Variants in PDS5A observed in about 807,000 individuals in gnomAD.
PDS5A encodes PDS5 cohesin associated factor A, also known as sister chromatid cohesion protein PDS5 homolog A.
In PDS5A, 42 loss-of-function variants were observed where a neutral mutation model predicts 167.1. That is an observed-to-expected ratio of 0.25 (90% CI 0.20 to 0.33). The LOEUF is 0.33. Ranked by LOEUF, PDS5A falls within the 10% of genes least tolerant of loss-of-function variation. The probability of loss-of-function intolerance (pLI) is 1.00; values close to 1 mark genes in which losing one functional copy is unlikely to be tolerated. For missense variants in PDS5A, 1,033 were observed against 1,605.9 expected (o/e 0.64, Z 6.10); for synonymous variants, 553 against 554.6 (o/e 1.00, Z 0.04).
chr4:39,935,608 G>A (rs1027051771), intron 2 of PDS5A, among the ~76,000 whole-genome samples: 9 of 151,968 alleles, frequency 5.9e-5, no homozygotes, highest in Non-Finnish European at 1.0e-4. Flanking sequence ...CCTATTTCTG[G>A]ACTCTGTTGT....
At chr4:39,929,519 CTATATATATA>C (rs58069502) in intron 2 of PDS5A, among the ~76,000 whole-genome samples, 3,658 of 79,322 alleles carry the variant, frequency 0.046, 190 homozygotes, top group East Asian at 0.17. Flanking sequence ...ACTTAATAAA[CTATATATATA>C]TATATATATA....
At chr4:39,900,038 T>C (rs998763574) in intron 14 of PDS5A, among the ~76,000 whole-genome samples, 2 of 152,048 alleles carry the variant, frequency 1.3e-5, no homozygotes, top group Admixed American at 6.6e-5. Flanking sequence ...TAGTTTGCCA[T>C]TGGCATATTT....
At chr4:39,970,691 CCTAA>C (rs746860784) in intron 2 of PDS5A, among the ~76,000 whole-genome samples, 9 of 151,474 alleles carry the variant, frequency 5.9e-5, no homozygotes, top group Non-Finnish European at 1.2e-4. Flanking sequence ...AATACTTTGG[CCTAA>C]CTTTCATTAT....
intron 21 of PDS5A, among the ~76,000 whole-genome samples, chr4:39,871,451 C>A (rs1463534726): frequency 6.6e-6 from 1 of 152,152 alleles, no homozygotes; most frequent in East Asian, 1.9e-4. Context: ...ACGTTCTTCT[C>A]TTCTTGTCTG....
At chr4:39,840,845 C>G (rs890061880) in intron 31 of PDS5A, among the ~76,000 whole-genome samples, 2 of 152,136 alleles carry the variant, frequency 1.3e-5, no homozygotes, top group Non-Finnish European at 2.9e-5. Context: ...ACCTTCACCT[C>G]GAGGGTTCAA....
At chr4:39,958,631 TTGAGAC>T (rs1729191007) in intron 2 of PDS5A, among the ~76,000 whole-genome samples, 1 of 151,978 alleles carries the variant, frequency 6.6e-6, no homozygotes, top group Non-Finnish European at 1.5e-5. Flanking sequence ...TCTTTTTTCT[TTGAGAC>T]AGAGTCTCAC....
intron 4 of PDS5A, among the ~76,000 whole-genome samples, chr4:39,926,234 G>C (rs537042957): frequency 6.6e-6 from 1 of 152,004 alleles, no homozygotes; most frequent in South Asian, 2.1e-4. Flanking sequence ...AAAATAAAAA[G>C]ATAGAGGCCG....
intron 2 of PDS5A, among the ~76,000 whole-genome samples, chr4:39,975,236 G>A (rs998603773): frequency 2.6e-5 from 4 of 151,954 alleles, no homozygotes; most frequent in African/African-American, 7.3e-5. Context: ...AGATCCCGCC[G>A]CCGCACACAG....
chr4:39,923,110 C>A (rs1366292437), intron 5 of PDS5A, among the ~76,000 whole-genome samples: 2 of 151,908 alleles, frequency 1.3e-5, no homozygotes, highest in Non-Finnish European at 2.9e-5. Context: ...AGGTGGATCA[C>A]CTGACATCAG....
chr4:39,866,369 G>C (rs1017027655), intron 23 of PDS5A, among the ~76,000 whole-genome samples: 1 of 151,928 alleles, frequency 6.6e-6, no homozygotes, highest in Non-Finnish European at 1.5e-5. Context: ...TGCCCGTCTC[G>C]GCCTCCCAAA....
rs781463768 is a variant in PDS5A, at chr4:39,849,559, G to A, written c.3180C>T (p.Thr1060=). 1.9e-6 allele frequency: 3 copies of A among 1,611,016 alleles called. No individual in the cohort carries two copies. Among genetic ancestry groups the A allele is most frequent in the Admixed American group, 3.3e-5 (2 of 59,936 alleles). The change falls in exon 27 of 33, where the codon ACC becomes ACT. Residue 1060 remains threonine, a synonymous_variant. Transcript: ENST00000303538. ...MKKMAENIKL[T]RDAQSPDESK... is the part of the protein sequence containing the mutation. ...ATTCATCTGGAGACTGGGCATCTCT[G>A]GTTAACTTGATGTTCTCTGCCATCT... is the stretch of plus-strand genomic sequence containing the variant.
intron 19 of PDS5A, among the ~76,000 whole-genome samples, chr4:39,875,929 A>T (rs1293313389): frequency 6.6e-6 from 1 of 152,082 alleles, no homozygotes; most frequent in Admixed American, 6.6e-5. Flanking sequence ...TGTTTTTTCT[A>T]GAGCAGTATA....
intron 28 of PDS5A, chr4:39,847,650 T>C (rs1447727680): frequency 6.6e-6 from 1 of 152,146 alleles, no homozygotes; most frequent in Non-Finnish European, 1.5e-5. Flanking sequence ...AGCATACTTT[T>C]GCAAATTCTC....
intron 17 of PDS5A, among the ~76,000 whole-genome samples, chr4:39,888,571 G>A (rs1188745256): frequency 1.3e-5 from 2 of 151,722 alleles, no homozygotes; most frequent in Non-Finnish European, 2.9e-5. Context: ...GAAAGAAAAT[G>A]TGGTATATAT....
intron 2 of PDS5A, among the ~76,000 whole-genome samples, chr4:39,946,475 T>C (rs1490800982): frequency 6.6e-6 from 1 of 151,790 alleles, no homozygotes; most frequent in Admixed American, 6.6e-5. Context: ...AAGAACATGA[T>C]GGCAGCTAGA....
chr4:39,903,388 A>T (rs919464230), intron 12 of PDS5A, among the ~76,000 whole-genome samples: 5 of 152,228 alleles, frequency 3.3e-5, no homozygotes, highest in African/African-American at 1.2e-4. Flanking sequence ...AATATACAAG[A>T]TCTCTTAATT....
intron 13 of PDS5A, among the ~76,000 whole-genome samples, chr4:39,901,489 C>T (rs1374439317): frequency 3.9e-5 from 6 of 152,014 alleles, no homozygotes; most frequent in Admixed American, 3.3e-4. Flanking sequence ...AGGCTGGTCT[C>T]GAACTCCTAA....
intron 2 of PDS5A, among the ~76,000 whole-genome samples, chr4:39,954,262 A>G (rs1295093648): frequency 6.6e-6 from 1 of 151,910 alleles, no homozygotes; most frequent in Non-Finnish European, 1.5e-5. Flanking sequence ...TAGGAGGCTG[A>G]GGTGGGAGGA....
At chr4:39,920,898 C>T (rs974255455) in intron 6 of PDS5A, among the ~76,000 whole-genome samples, 138 of 152,276 alleles carry the variant, frequency 9.1e-4, no homozygotes, top group African/African-American at 2.9e-3. Context: ...TAATACTATG[C>T]TCCCGTTTCA....
Sources: allele counts gnomAD v4.1 joint callset (sites outside exome capture counted in the v4.1 genomes callset), GRCh38; gene constraint gnomAD v4.1.1; transcripts MANE v1.5; gene names NCBI Gene and HGNC (gene_info 2026-07-23, HGNC 2026-07-21).